LY6S: variants seen among roughly 807,000 people sequenced by gnomAD.
LY6S encodes lymphocyte antigen 6 family member S.
At chr8:143,059,201 G>C in the LY6S span, among the ~76,000 whole-genome samples, 36,378 of 151,828 alleles carry the variant, frequency 0.24, 6,325 homozygotes, top group African/African-American at 0.47. Context: ...GCCACATCTT[G>C]TTATGAAAAG....
chr8:143,070,796 A>C, the LY6S span, among the ~76,000 whole-genome samples: 1 of 151,868 alleles, frequency 6.6e-6, no homozygotes, highest in Non-Finnish European at 1.5e-5. Context: ...CAGTTGCCCT[A>C]TGTTTTTATG....
the LY6S span, among the ~76,000 whole-genome samples, chr8:143,055,077 T>G: frequency 6.6e-6 from 1 of 152,354 alleles, no homozygotes; most frequent in South Asian, 2.1e-4. Flanking sequence ...GCAGACAAAA[T>G]GGAATCTTTA....
chr8:143,057,151 C>A, the LY6S span: 1 of 363,308 alleles, frequency 2.8e-6, no homozygotes. Context: ...GGTTTCTGTT[C>A]CGGAGAATGT....
the LY6S span, among the ~76,000 whole-genome samples, chr8:143,046,925 C>T: frequency 1.3e-5 from 2 of 151,900 alleles, no homozygotes; most frequent in South Asian, 2.1e-4. Flanking sequence ...CACTTTAACC[C>T]GAGATGTGGA....
chr8:143,067,631 T>C, the LY6S span, among the ~76,000 whole-genome samples: 1 of 152,232 alleles, frequency 6.6e-6, no homozygotes, highest in Admixed American at 6.5e-5. Context: ...CTGAGCTCCC[T>C]CAGGATTTAT....
At chr8:143,070,464 AAT>A in the LY6S span, among the ~76,000 whole-genome samples, 1 of 34,214 alleles carries the variant, frequency 2.9e-5, no homozygotes, top group Non-Finnish European at 5.2e-5. Context: ...ATATATATAT[AAT>A]ATATATATAA....
chr8:143,042,253 G>T, the LY6S span: 2 of 152,640 alleles, frequency 1.3e-5, no homozygotes, highest in Non-Finnish European at 2.9e-5. Flanking sequence ...ACCACCAGGG[G>T]AGACCAGTCT....
At chr8:143,056,465 C>T in the LY6S span, among the ~76,000 whole-genome samples, 1 of 152,076 alleles carries the variant, frequency 6.6e-6, no homozygotes, top group Non-Finnish European at 1.5e-5. Context: ...TCTGAGCAAA[C>T]TGAAAGTATG....
At chr8:143,043,729 G>A in the LY6S span, among the ~76,000 whole-genome samples, 3 of 152,072 alleles carry the variant, frequency 2.0e-5, no homozygotes, top group Admixed American at 6.5e-5. Flanking sequence ...AGGCTGGAGT[G>A]CAATGGGGCG....
chr8:143,064,649 T>C, the LY6S span, among the ~76,000 whole-genome samples: 1 of 152,214 alleles, frequency 6.6e-6, no homozygotes, highest in African/African-American at 2.4e-5. Flanking sequence ...TGACCAACAA[T>C]TGGCTTTCTG....
the LY6S span, among the ~76,000 whole-genome samples, chr8:143,061,748 G>A: frequency 6.6e-6 from 1 of 152,124 alleles, no homozygotes; most frequent in Admixed American, 6.5e-5. Flanking sequence ...TCTCCATGTT[G>A]GTCAAGGCTG....
At chr8:143,048,691 A>C in the LY6S span, among the ~76,000 whole-genome samples, 6 of 151,990 alleles carry the variant, frequency 3.9e-5, no homozygotes, top group African/African-American at 1.2e-4. Context: ...GCTGGTCTCG[A>C]ACTGCTGACC....
At chr8:143,048,532 C>T in the LY6S span, among the ~76,000 whole-genome samples, 1 of 150,316 alleles carries the variant, frequency 6.7e-6, no homozygotes, top group East Asian at 2.0e-4. Context: ...GCCATGACAC[C>T]ACCTCAGCTC....
chr8:143,048,579 C>G, the LY6S span, among the ~76,000 whole-genome samples: 2 of 151,644 alleles, frequency 1.3e-5, no homozygotes, highest in Non-Finnish European at 2.9e-5. Flanking sequence ...GCGATTCTCC[C>G]GCCTCAGCCT....
the LY6S span, among the ~76,000 whole-genome samples, chr8:143,070,317 G>A: frequency 6.8e-6 from 1 of 146,594 alleles, no homozygotes; most frequent in Non-Finnish European, 1.5e-5. Flanking sequence ...TGAATTTGAG[G>A]GGGGCACAGT....
the LY6S span, among the ~76,000 whole-genome samples, chr8:143,074,406 A>G: frequency 6.6e-6 from 1 of 151,808 alleles, no homozygotes; most frequent in Non-Finnish European, 1.5e-5. Context: ...ATTTCTATGG[A>G]CCTGTCTGAA....
the LY6S span, among the ~76,000 whole-genome samples, chr8:143,073,472 C>T: frequency 4.0e-3 from 184 of 46,540 alleles, no homozygotes; most frequent in Middle Eastern, 0.031. Flanking sequence ...GTCCCCGGGG[C>T]TCCTGTTTGA....
the LY6S span, chr8:143,044,366 G>A: frequency 5.0e-6 from 2 of 400,630 alleles, no homozygotes; most frequent in Non-Finnish European, 1.0e-5. Flanking sequence ...GGGAGGGGCT[G>A]GGATGGTTTC....
the LY6S span, among the ~76,000 whole-genome samples, chr8:143,075,939 G>A: frequency 2.0e-5 from 3 of 152,012 alleles, no homozygotes; most frequent in Non-Finnish European, 4.4e-5. The surrounding 1 kb of genome is among the most constrained non-coding windows in gnomAD (Gnocchi z 4.1). Flanking sequence ...TGTTATGAAC[G>A]TCTGTGCTGG....
Sources: allele counts gnomAD v4.1 joint callset (sites outside exome capture counted in the v4.1 genomes callset), GRCh38; gene constraint gnomAD v4.1.1; non-coding constraint Gnocchi (gnomAD v3.1); transcripts MANE v1.5; gene names NCBI Gene and HGNC (gene_info 2026-07-23, HGNC 2026-07-21).